The following SNX29 variants were observed in gnomAD, a reference collection of about 807,000 sequenced individuals.
The protein encoded by SNX29 is sorting nexin-29.
SNX29 carries 78 observed loss-of-function variants against 102.1 expected under a neutral mutation model. The observed-to-expected ratio is 0.76, with a 90% CI of 0.64 to 0.92. The LOEUF (loss-of-function observed/expected upper bound fraction) is 0.92. SNX29 is among the 40% of genes least tolerant of loss of function. SNX29 has a pLI of 0.00. For synonymous variants in SNX29, 580 were observed against 414.5 expected, an observed-to-expected ratio of 1.40 and a Z score of -4.85; for missense variants, 1,280 against 1,061.7, an observed-to-expected ratio of 1.21 and a Z score of -2.86.
At chr16:12,127,823 A>T (rs1200123788) in intron 12 of SNX29, among the ~76,000 whole-genome samples, 2 of 152,308 alleles carry the variant, frequency 1.3e-5, no homozygotes, top group East Asian at 3.9e-4. Flanking sequence ...AGGGATACTT[A>T]GGGCAAGATG....
intron 13 of SNX29, among the ~76,000 whole-genome samples, chr16:12,171,375 G>T (rs76459020): frequency 0.039 from 5,862 of 152,106 alleles, 278 homozygotes; most frequent in African/African-American, 0.12. Context: ...CCCATCTTTT[G>T]GATCATCCTG....
chr16:12,194,653 C>G (rs1396520343), intron 13 of SNX29, among the ~76,000 whole-genome samples: 1 of 140,408 alleles, frequency 7.1e-6, no homozygotes, highest in South Asian at 2.4e-4. Context: ...AAGAAGGAAT[C>G]GCAGACTCTG....
At chr16:12,023,767 A>G (rs2057102865) in intron 3 of SNX29, among the ~76,000 whole-genome samples, 1 of 152,198 alleles carries the variant, frequency 6.6e-6, no homozygotes, top group Non-Finnish European at 1.5e-5. Flanking sequence ...TAGTGCTTCC[A>G]AGATGTGTCC....
chr16:12,295,266 G>A (rs2079941411), intron 15 of SNX29, among the ~76,000 whole-genome samples: 1 of 152,220 alleles, frequency 6.6e-6, no homozygotes, highest in Non-Finnish European at 1.5e-5. Flanking sequence ...ATGACAGGCA[G>A]CGGGGTCACC....
intron 8 of SNX29, among the ~76,000 whole-genome samples, chr16:12,053,645 A>C (rs2050398184): frequency 2.0e-5 from 3 of 150,126 alleles, no homozygotes; most frequent in Non-Finnish European, 4.4e-5. Context: ...TTTTGTTTTC[A>C]TGTTGTTACA....
chr16:12,110,125 T>A (rs900391251), intron 11 of SNX29, among the ~76,000 whole-genome samples: 2 of 152,198 alleles, frequency 1.3e-5, no homozygotes, highest in African/African-American at 4.8e-5. Context: ...TGTCACTGGA[T>A]GCTGAGCTTG....
chr16:12,488,535 G>A (rs2088369553), intron 19 of SNX29, among the ~76,000 whole-genome samples: 2 of 152,140 alleles, frequency 1.3e-5, no homozygotes, highest in Admixed American at 1.3e-4. Flanking sequence ...TCACAGTGCC[G>A]GGTACAGAGT....
intron 19 of SNX29, among the ~76,000 whole-genome samples, chr16:12,516,260 G>C (rs556225605): frequency 4.7e-4 from 72 of 152,158 alleles, no homozygotes; most frequent in African/African-American, 1.7e-3. Context: ...AGGGAGGCTC[G>C]CTTAAGCCCA....
intron 19 of SNX29, among the ~76,000 whole-genome samples, chr16:12,502,551 C>T (rs1344632025): frequency 6.6e-6 from 1 of 152,152 alleles, no homozygotes; most frequent in African/African-American, 2.4e-5. Context: ...GGGCCTCATT[C>T]CCAGCCCTGT....
chr16:12,472,932 G>T (rs906365808), intron 18 of SNX29, among the ~76,000 whole-genome samples: 1 of 152,100 alleles, frequency 6.6e-6, no homozygotes, highest in Non-Finnish European at 1.5e-5. Flanking sequence ...TTCTTTTGCT[G>T]AGTCAAGGAG....
At position 12,069,122 on chromosome 16, in the gene SNX29, C is replaced by T; in HGVS notation, c.1309C>T (p.Leu437Phe). The T allele has an allele frequency of 6.2e-7, 1 of 1,613,422 alleles. No homozygotes were observed. Among genetic ancestry groups the T allele is most frequent in the Non-Finnish European group, 8.5e-7 (1 of 1,179,502 alleles). ...GGACCACGTTCTCCCAGATCCTGGA[C>T]TTCGGTACAGGTTAATATTGAGAAA... ...PEDHVLPDPGLRYSVEASSPG... is the reference protein window; with the variant it reads ...PEDHVLPDPGFRYSVEASSPG... The change falls in exon 10 of 21, where the codon CTT becomes TTT. Residue 437 changes from leucine (L) to phenylalanine (F), a missense_variant. Leu to Phe is a conservative substitution (Grantham distance 22). Coordinates refer to ENST00000566228, the MANE Select transcript of SNX29 (RefSeq NM_032167.5).
intron 20 of SNX29, among the ~76,000 whole-genome samples, chr16:12,544,687 C>T (rs76102866): frequency 9.9e-5 from 15 of 152,284 alleles, no homozygotes; most frequent in African/African-American, 3.1e-4. Context: ...CGCTGTCACT[C>T]GAATTCTCTT....
intron 20 of SNX29, among the ~76,000 whole-genome samples, chr16:12,526,364 TC>T (rs1475429180): frequency 1.3e-5 from 2 of 152,172 alleles, no homozygotes; most frequent in African/African-American, 4.8e-5. Context: ...CTGCCTGTCT[TC>T]CCTGCCTAGG....
intron 20 of SNX29, among the ~76,000 whole-genome samples, chr16:12,538,471 T>G (rs2077177482): frequency 6.6e-6 from 1 of 152,366 alleles, no homozygotes; most frequent in South Asian, 2.1e-4. Flanking sequence ...TCTCCTATGT[T>G]GATGCTGTGT....
intron 11 of SNX29, chr16:12,087,843 A>T (rs993039743): frequency 1.1e-5 from 5 of 456,786 alleles, no homozygotes; most frequent in Admixed American, 4.7e-5. Flanking sequence ...CTCCTGGTTG[A>T]CGTGGCTGGG....
At chr16:12,563,847 T>G (rs1244752722) in intron 20 of SNX29, among the ~76,000 whole-genome samples, 5 of 152,234 alleles carry the variant, frequency 3.3e-5, no homozygotes, top group Non-Finnish European at 7.3e-5. Context: ...TAAATATCCC[T>G]GCTGAATAGC....
chr16:12,560,661 G>A (rs2078673367), intron 20 of SNX29: 1 of 155,846 alleles, frequency 6.4e-6, no homozygotes. Context: ...CTAGCATCTT[G>A]GGGGCTGGGC....
chr16:12,328,038 A>G (rs1372469199), intron 15 of SNX29, among the ~76,000 whole-genome samples: 1 of 152,150 alleles, frequency 6.6e-6, no homozygotes, highest in Non-Finnish European at 1.5e-5. Context: ...GTGGGTTTCT[A>G]AAGCCAGCTT....
chr16:12,142,430 GC>G (rs2054899484), intron 13 of SNX29, among the ~76,000 whole-genome samples: 1 of 151,982 alleles, frequency 6.6e-6, no homozygotes, highest in Non-Finnish European at 1.5e-5. Flanking sequence ...GGTGGGTGGG[GC>G]TGGTGTTGGG....
Sources: allele counts gnomAD v4.1 joint callset (sites outside exome capture counted in the v4.1 genomes callset), GRCh38; gene constraint gnomAD v4.1.1; transcripts MANE v1.5; gene names NCBI Gene and HGNC (gene_info 2026-07-23, HGNC 2026-07-21).